Variants in ADAM12 observed in about 807,000 individuals in gnomAD.
ADAM12 encodes the protein ADAM metallopeptidase domain 12.
Under a neutral mutation model 106.4 loss-of-function variants are expected in ADAM12, and 70 were observed. The observed-to-expected ratio is 0.66, with a 90% CI of 0.54 to 0.80. The LOEUF is 0.80. ADAM12 is among the 30% of genes least tolerant of loss of function. ADAM12 has a pLI of 0.00. For synonymous variants in ADAM12, 420 were observed against 433.5 expected, an observed-to-expected ratio of 0.97 and a Z score of 0.39; for missense variants, 1,010 against 1,171.9, an observed-to-expected ratio of 0.86 and a Z score of 2.02.
chr10:126,325,354 G>C lies in ADAM12; in HGVS notation c.186+5058C>G, dbSNP rs570872848. ...AAGGGTTGGGAGGGAACTGGGGGGA[G>C]GCAAGCCAGTGAATGCGGATCACCT... On this transcript the variant is annotated intron_variant, in intron 2 of 22. Coordinates refer to ENST00000448723, the MANE Select transcript of ADAM12 (RefSeq NM_001288973.2). 1.3e-4 allele frequency among the ~76,000 whole-genome samples: 20 copies of C among 152,346 alleles called. No homozygotes were observed. In the South Asian group the frequency reaches 3.9e-3, roughly 30 times the overall value.
intron 3 of ADAM12, among the ~76,000 whole-genome samples, chr10:126,227,867 G>A (rs1054169839): frequency 2.6e-5 from 4 of 152,216 alleles, no homozygotes; most frequent in Non-Finnish European, 5.9e-5. Context: ...GGAGTGGAGA[G>A]GACAGTGAGG....
intron 3 of ADAM12, among the ~76,000 whole-genome samples, chr10:126,207,080 C>T (rs1461737576): frequency 1.3e-5 from 2 of 152,156 alleles, no homozygotes; most frequent in East Asian, 3.9e-4. Context: ...GTCTATTAAA[C>T]CTCTTTCTTT....
At chr10:126,224,395 G>A (rs1175460844) in intron 3 of ADAM12, among the ~76,000 whole-genome samples, 1 of 152,202 alleles carries the variant, frequency 6.6e-6, no homozygotes, top group Non-Finnish European at 1.5e-5. Context: ...CCTTCCTGGA[G>A]CTGGGAGCTT....
chr10:126,091,102 C>CA (rs1479638905), intron 11 of ADAM12: 1 of 152,192 alleles, frequency 6.6e-6, no homozygotes, highest in Non-Finnish European at 1.5e-5. Flanking sequence ...TGAGTGACTG[C>CA]TAAGGGCACT....
At chr10:126,292,915 G>A (rs529118031) in intron 2 of ADAM12, among the ~76,000 whole-genome samples, 164 of 152,318 alleles carry the variant, frequency 1.1e-3, no homozygotes, top group African/African-American at 3.8e-3. Context: ...CGCCTGGAGT[G>A]CTTATTACAA....
intron 3 of ADAM12, among the ~76,000 whole-genome samples, chr10:126,193,137 T>G (rs1396651325): frequency 6.6e-6 from 1 of 151,790 alleles, no homozygotes; most frequent in Non-Finnish European, 1.5e-5. Context: ...TGATGGCCTG[T>G]GCCTGTGGTC....
intron 1 of ADAM12, among the ~76,000 whole-genome samples, chr10:126,335,640 C>T (rs551569928): frequency 2.3e-4 from 35 of 152,158 alleles, no homozygotes; most frequent in Non-Finnish European, 3.4e-4. Context: ...TTTAGCTGCA[C>T]GCTCCCTACA....
At chr10:126,329,419 C>T (rs1236438985) in intron 2 of ADAM12, among the ~76,000 whole-genome samples, 1 of 152,156 alleles carries the variant, frequency 6.6e-6, no homozygotes, top group Non-Finnish European at 1.5e-5. Flanking sequence ...TTTAATTTTG[C>T]TGACCAATAG....
intron 3 of ADAM12, among the ~76,000 whole-genome samples, chr10:126,265,187 G>A (rs1305554743): frequency 6.6e-6 from 1 of 152,152 alleles, no homozygotes; most frequent in Non-Finnish European, 1.5e-5. Flanking sequence ...TGCTAAATTT[G>A]GGGAATACAG....
At chr10:126,301,158 C>T (rs1383959034) in intron 2 of ADAM12, among the ~76,000 whole-genome samples, 1 of 152,186 alleles carries the variant, frequency 6.6e-6, no homozygotes, top group Non-Finnish European at 1.5e-5. Flanking sequence ...TCCCTCTCCC[C>T]AGCACAGAAT....
intron 3 of ADAM12, among the ~76,000 whole-genome samples, chr10:126,199,820 A>G (rs184227738): frequency 1.4e-4 from 21 of 152,338 alleles, no homozygotes; most frequent in Admixed American, 1.4e-3. Flanking sequence ...GCTAATTGAG[A>G]TTGTGCATGA....
In ADAM12 at chr10:126,203,585, T is replaced by G. The variant is rs565081126; in HGVS notation, c.261-48280A>C. ...GCATAAACTCTATCAAAGCATCAAA[T>G]ACCATTTTACTGAAGAGCTGTTCAA... On this transcript the variant is annotated intron_variant, in intron 3 of 22. Coordinates refer to ENST00000448723, the MANE Select transcript of ADAM12 (RefSeq NM_001288973.2). Among the ~76,000 whole-genome samples, 18 of 152,282 alleles carry G rather than the reference T, an allele frequency of 1.2e-4. No individual in the cohort carries two copies. In the East Asian group the frequency reaches 3.5e-3, roughly 29 times the overall value.
chr10:126,242,460 A>G (rs1356827527), intron 3 of ADAM12, among the ~76,000 whole-genome samples: 9 of 152,186 alleles, frequency 5.9e-5, no homozygotes, highest in Admixed American at 5.9e-4. Context: ...AAAATGATGG[A>G]AAATTAAGAA....
At chr10:126,257,564 C>T (rs1958917784) in intron 3 of ADAM12, among the ~76,000 whole-genome samples, 1 of 152,188 alleles carries the variant, frequency 6.6e-6, no homozygotes, top group African/African-American at 2.4e-5. Flanking sequence ...TTTATTGACT[C>T]TTTAAATAAA....
intron 5 of ADAM12, among the ~76,000 whole-genome samples, chr10:126,134,668 A>G (rs1221215038): frequency 1.3e-5 from 2 of 152,234 alleles, no homozygotes; most frequent in African/African-American, 2.4e-5. Flanking sequence ...ATAAACTGGT[A>G]GGTGTGTGGT....
At chr10:126,364,764 A>T (rs1173153674) in intron 1 of ADAM12, among the ~76,000 whole-genome samples, 3 of 152,178 alleles carry the variant, frequency 2.0e-5, no homozygotes, top group Admixed American at 6.5e-5. Context: ...AAAATTATTG[A>T]TAAAAATAAG....
intron 3 of ADAM12, among the ~76,000 whole-genome samples, chr10:126,269,931 A>T (rs1959167658): frequency 1.3e-5 from 2 of 152,230 alleles, no homozygotes; most frequent in African/African-American, 4.8e-5. Context: ...TTGAGGAACA[A>T]AAAGCTCTAA....
chr10:126,171,979 A>G (rs937574502), intron 3 of ADAM12, among the ~76,000 whole-genome samples: 3 of 152,222 alleles, frequency 2.0e-5, no homozygotes, highest in Admixed American at 6.5e-5. Context: ...GTGTCTGGGG[A>G]AAAAAATAGC....
intron 3 of ADAM12, among the ~76,000 whole-genome samples, chr10:126,184,324 A>G (rs1295732729): frequency 6.6e-6 from 1 of 152,218 alleles, no homozygotes; most frequent in Non-Finnish European, 1.5e-5. Context: ...TTAACCTCTC[A>G]TAGGTTTTAT....
Sources: allele counts gnomAD v4.1 joint callset (sites outside exome capture counted in the v4.1 genomes callset), GRCh38; gene constraint gnomAD v4.1.1; transcripts MANE v1.5; gene names NCBI Gene and HGNC (gene_info 2026-07-23, HGNC 2026-07-21).